The following RUNDC3B variants were observed in gnomAD, a reference collection of about 807,000 sequenced individuals.
RUNDC3B encodes the protein RUN domain-containing protein 3B.
Under a neutral mutation model 58.4 loss-of-function variants are expected in RUNDC3B, and 33 were observed. That is an observed-to-expected ratio of 0.56 (90% confidence interval 0.43 to 0.75). The LOEUF (loss-of-function observed/expected upper bound fraction) is 0.75. Among genes scored for constraint, RUNDC3B ranks in the 30% least tolerant of loss-of-function variants. The probability of loss-of-function intolerance (pLI) is 0.00; values close to 1 mark genes in which losing one functional copy is unlikely to be tolerated. For synonymous variants in RUNDC3B, 193 were observed against 195.2 expected (o/e 0.99, Z 0.10); for missense variants, 501 against 535.7 (o/e 0.94, Z 0.64).
At chr7:87,792,736 A>G (rs1380567669) in intron 8 of RUNDC3B, among the ~76,000 whole-genome samples, 1 of 152,078 alleles carries the variant, frequency 6.6e-6, no homozygotes, top group Non-Finnish European at 1.5e-5. Context: ...TCATACCTAT[A>G]AGTTCCTATA....
Position 87,739,827 on chromosome 7 carries a change from A to C in RUNDC3B, c.495A>C (p.Glu165Asp). Reference sequence around the variant, plus strand: ...AAGATGGAGCAATTGTCTTGGGTGAAGAAGCAAATATGCTTGCTGGCATGC... The same window carrying C: ...AAGATGGAGCAATTGTCTTGGGTGACGAAGCAAATATGCTTGCTGGCATGC... ...FYEDGAIVLG[E>D]EANMLAGMLL... is the part of the protein sequence containing the mutation. Residue 165 changes from glutamate (E) to aspartate (D), a missense_variant, in exon 5 of 11, where the codon GAA becomes GAC. Glu to Asp is a conservative substitution (Grantham distance 45). Coordinates refer to ENST00000394654, the MANE Select transcript of RUNDC3B (RefSeq NM_001134405.2). 6 of 1,598,236 alleles carry C rather than the reference A, an allele frequency of 3.8e-6. No homozygotes were observed. Among genetic ancestry groups the C allele is most frequent in the Non-Finnish European group, 5.1e-6 (6 of 1,168,530 alleles).
At chr7:87,821,168 A>G (rs1837404117) in intron 10 of RUNDC3B, among the ~76,000 whole-genome samples, 1 of 151,914 alleles carries the variant, frequency 6.6e-6, no homozygotes, top group Non-Finnish European at 1.5e-5. Flanking sequence ...AATCTCCTTA[A>G]GCTGATAAGC....
intron 4 of RUNDC3B, among the ~76,000 whole-genome samples, chr7:87,735,122 C>T (rs1448310147): frequency 6.6e-6 from 1 of 152,188 alleles, no homozygotes; most frequent in Non-Finnish European, 1.5e-5. Flanking sequence ...CCCTGTAACT[C>T]TGTTCACCCT....
chr7:87,819,138 G>C (rs140033123), intron 10 of RUNDC3B, among the ~76,000 whole-genome samples: 14 of 152,266 alleles, frequency 9.2e-5, no homozygotes, highest in African/African-American at 3.4e-4. Context: ...CCTGTAAACA[G>C]TTGTGACTCG....
intron 2 of RUNDC3B, among the ~76,000 whole-genome samples, chr7:87,692,295 A>C (rs929901806): frequency 4.6e-5 from 7 of 152,150 alleles, no homozygotes; most frequent in Non-Finnish European, 1.0e-4. Flanking sequence ...TACAAAAAAA[A>C]CACATAAAAA....
intron 10 of RUNDC3B, among the ~76,000 whole-genome samples, chr7:87,825,195 G>A (rs1837732122): frequency 6.6e-6 from 1 of 151,808 alleles, no homozygotes; most frequent in East Asian, 1.9e-4. Flanking sequence ...CTCCAGCCTG[G>A]GTGACAGAGC....
chr7:87,831,606 T>G lies in RUNDC3B; in HGVS notation c.*1576T>G, dbSNP rs1467644737. 2 of 151,984 alleles carry G rather than the reference T, an allele frequency of 1.3e-5. No homozygotes were observed. Among genetic ancestry groups the G allele is most frequent in the Non-Finnish European group, 2.9e-5 (2 of 67,882 alleles). The allele number at this position is 151,984 out of a possible 1,614,324, so 9.4% of individuals were successfully genotyped here. ...TATTCTTGAGAAATGATACATTTTT[T>G]GTTCTCAATTTCTCAATTCTACATA... On this transcript the variant is annotated 3_prime_UTR_variant, in exon 11 of 11. Transcript: ENST00000394654.
intron 6 of RUNDC3B, among the ~76,000 whole-genome samples, chr7:87,757,122 G>A (rs1050493453): frequency 6.6e-6 from 1 of 152,060 alleles, no homozygotes; most frequent in Non-Finnish European, 1.5e-5. Flanking sequence ...TGAAAGGCCT[G>A]CTTTTATCAC....
At chr7:87,814,786 A>G (rs1314796506) in intron 9 of RUNDC3B, among the ~76,000 whole-genome samples, 1 of 152,196 alleles carries the variant, frequency 6.6e-6, no homozygotes, top group East Asian at 1.9e-4. Context: ...CTTTAATACT[A>G]TAAGCATTTA....
chr7:87,717,782 A>G (rs1019156219), intron 4 of RUNDC3B, among the ~76,000 whole-genome samples: 1 of 152,148 alleles, frequency 6.6e-6, no homozygotes, highest in Non-Finnish European at 1.5e-5. Context: ...AATGATTTTG[A>G]AAATTTTTGC....
At chr7:87,701,765 A>G (rs1829057661) in intron 3 of RUNDC3B, among the ~76,000 whole-genome samples, 1 of 152,174 alleles carries the variant, frequency 6.6e-6, no homozygotes, top group African/African-American at 2.4e-5. Flanking sequence ...ACTTCAACCA[A>G]AACAACACAT....
At chr7:87,735,623 AC>A (rs1563171916) in intron 4 of RUNDC3B, among the ~76,000 whole-genome samples, 1 of 152,138 alleles carries the variant, frequency 6.6e-6, no homozygotes, top group Non-Finnish European at 1.5e-5. Flanking sequence ...TAAAGTTATT[AC>A]TATGCCTGCC....
intron 2 of RUNDC3B, among the ~76,000 whole-genome samples, chr7:87,652,621 GATATATATATATAT>G (rs373344881): frequency 3.2e-5 from 4 of 125,414 alleles, no homozygotes; most frequent in African/African-American, 1.4e-4. Context: ...TGTGGTCACT[GATATATATATATAT>G]ATATATATAT....
intron 4 of RUNDC3B, among the ~76,000 whole-genome samples, chr7:87,733,885 G>C (rs1342992845): frequency 1.3e-5 from 2 of 152,172 alleles, no homozygotes; most frequent in Non-Finnish European, 1.5e-5. Flanking sequence ...CATGGCCCAG[G>C]GGGTGGGGAC....
intron 8 of RUNDC3B, among the ~76,000 whole-genome samples, chr7:87,779,287 A>G (rs565777894): frequency 6.6e-6 from 1 of 152,324 alleles, no homozygotes; most frequent in South Asian, 2.1e-4. Flanking sequence ...TGTGGTTGTC[A>G]GCCACTTTAA....
rs987157420 is a variant in RUNDC3B at position 87,680,726 on chromosome 7, C to T, written c.239-19695C>T. ...AGGAGAATCACTTGAACCTGGGAGG[C>T]GGAGGGTGCAGTGAGCCAAGATCGC... On this transcript the variant is annotated intron_variant, in intron 2 of 10. Coordinates refer to ENST00000394654, the MANE Select transcript of RUNDC3B (RefSeq NM_001134405.2). Among the ~76,000 whole-genome samples, 4 of 149,524 alleles carry T rather than the reference C, an allele frequency of 2.7e-5. 1 individual carries two copies. Among genetic ancestry groups the T allele is most frequent in the African/African-American group, 1.0e-4 (4 of 40,110 alleles).
At chr7:87,821,269 A>G (rs1353012971) in intron 10 of RUNDC3B, among the ~76,000 whole-genome samples, 3 of 152,162 alleles carry the variant, frequency 2.0e-5, no homozygotes, top group Non-Finnish European at 4.4e-5. Context: ...GAGCGAAATC[A>G]TGAGTGAACT....
At chr7:87,638,461 A>G (rs570206929) in intron 1 of RUNDC3B, among the ~76,000 whole-genome samples, 2 of 152,084 alleles carry the variant, frequency 1.3e-5, no homozygotes, top group East Asian at 3.9e-4. Flanking sequence ...CCAGGGAAGC[A>G]ATGTGAACCG....
At chr7:87,714,641 G>A (rs1308693828) in intron 4 of RUNDC3B, among the ~76,000 whole-genome samples, 7 of 152,122 alleles carry the variant, frequency 4.6e-5, no homozygotes, top group African/African-American at 1.4e-4. Flanking sequence ...GAAATAGGAC[G>A]TGAAGATAGA....
Sources: gnomAD v4.1 joint callset for allele counts (sites outside exome capture counted in the v4.1 genomes callset) on GRCh38, gnomAD v4.1.1 for gene constraint, MANE v1.5 for transcripts, NCBI Gene and HGNC (gene_info 2026-07-23, HGNC 2026-07-21) for gene names.